The following WWOX variants were observed in gnomAD, a reference collection of about 807,000 sequenced individuals.
The protein encoded by WWOX is WW domain-containing oxidoreductase.
Under a neutral mutation model 46.2 loss-of-function variants are expected in WWOX, and 69 were observed. That is an observed-to-expected ratio of 1.49 (90% confidence interval 1.23 to 1.82). The LOEUF (loss-of-function observed/expected upper bound fraction) is 1.82, where lower values mean the gene tolerates loss of function less well. Ranked by LOEUF, WWOX falls within the 40% of genes most tolerant of loss-of-function variation. The pLI is 0.00. For missense variants in WWOX, 919 were observed against 542.6 expected (o/e 1.69, Z -6.89); for synonymous variants, 359 against 202.6 (o/e 1.77, Z -6.56).
At chr16:78,160,019 T>C (rs2034738635) in intron 4 of WWOX, among the ~76,000 whole-genome samples, 2 of 152,142 alleles carry the variant, frequency 1.3e-5, no homozygotes, top group East Asian at 1.9e-4. Flanking sequence ...GACAGACTTT[T>C]AGCTTCTTTT....
At chr16:78,408,737 G>C (rs11860127) in intron 6 of WWOX, among the ~76,000 whole-genome samples, 1 of 152,134 alleles carries the variant, frequency 6.6e-6, no homozygotes, top group African/African-American at 2.4e-5. Flanking sequence ...TGCAGATAAA[G>C]AGCAAGGGAA....
intron 5 of WWOX, among the ~76,000 whole-genome samples, chr16:78,312,285 T>C (rs1175116592): frequency 6.6e-6 from 1 of 152,100 alleles, no homozygotes; most frequent in Non-Finnish European, 1.5e-5. Flanking sequence ...GTATCTTTTG[T>C]AGGGGGTAAT....
intron 5 of WWOX, among the ~76,000 whole-genome samples, chr16:78,320,185 C>A (rs140034861): frequency 6.2e-4 from 95 of 152,280 alleles, no homozygotes; most frequent in African/African-American, 2.2e-3. Flanking sequence ...GAAAACCTTC[C>A]TTGCATGTAC....
At chr16:78,725,442 G>A (rs1436385672) in intron 8 of WWOX, among the ~76,000 whole-genome samples, 1 of 142,238 alleles carries the variant, frequency 7.0e-6, no homozygotes, top group Non-Finnish European at 1.5e-5. Flanking sequence ...CCACTTCCCG[G>A]ATTTAAGCGA....
At position 78,729,967 on chromosome 16, in the gene WWOX, C is replaced by T. The variant is rs1033989815; in HGVS notation, c.1056+297215C>T. On this transcript the variant is annotated intron_variant, in intron 8 of 8. Transcript: ENST00000566780. ...CCAGAGCAATCGAAGGTCATAGTTT[C>T]CTCATCCCTCGAAGCTGCCACCTTG... Among the ~76,000 whole-genome samples the T allele has an allele frequency of 1.3e-5, 2 of 152,150 alleles. 1 individual carries two copies. Among genetic ancestry groups the T allele is most frequent in the East Asian group, 3.9e-4 (2 of 5,178 alleles).
At chr16:78,120,030 A>G (rs1193065305) in intron 4 of WWOX, among the ~76,000 whole-genome samples, 1 of 152,124 alleles carries the variant, frequency 6.6e-6, no homozygotes, top group African/African-American at 2.4e-5. Context: ...AACAGAAACA[A>G]AACTTTTTTT....
intron 8 of WWOX, among the ~76,000 whole-genome samples, chr16:78,833,090 G>T (rs911291662): frequency 1.3e-5 from 2 of 148,556 alleles, no homozygotes; most frequent in African/African-American, 5.0e-5. Flanking sequence ...TGCCCAGGCT[G>T]CAGTGCAGTG....
chr16:78,746,585 C>G (rs2049352145), intron 8 of WWOX, among the ~76,000 whole-genome samples: 1 of 151,598 alleles, frequency 6.6e-6, no homozygotes, highest in Admixed American at 6.6e-5. Flanking sequence ...ATTTTTGGCT[C>G]TTGGCCTTGT....
At chr16:78,917,118 T>G (rs1017220130) in intron 8 of WWOX, among the ~76,000 whole-genome samples, 1 of 152,222 alleles carries the variant, frequency 6.6e-6, no homozygotes, top group African/African-American at 2.4e-5. Flanking sequence ...TCCTGGAATT[T>G]AGTCTGACGT....
chr16:78,862,039 ATC>A (rs1318880732), intron 8 of WWOX, among the ~76,000 whole-genome samples: 5 of 146,342 alleles, frequency 3.4e-5, no homozygotes, highest in Non-Finnish European at 7.8e-5. Flanking sequence ...ACACACATGT[ATC>A]TATTATATAT....
intron 8 of WWOX, among the ~76,000 whole-genome samples, chr16:79,003,921 A>G (rs2151367496): frequency 1.3e-5 from 2 of 152,208 alleles, no homozygotes; most frequent in Middle Eastern, 6.8e-3. Flanking sequence ...TGATGGGCAG[A>G]TTTTATCACT....
chr16:78,908,072 A>C (rs945335590), intron 8 of WWOX, among the ~76,000 whole-genome samples: 3 of 152,186 alleles, frequency 2.0e-5, no homozygotes, highest in Admixed American at 2.0e-4. Flanking sequence ...TAGTTCCCAA[A>C]TTGCAGGATA....
chr16:78,928,856 A>C (rs1326742030), intron 8 of WWOX, among the ~76,000 whole-genome samples: 3 of 152,174 alleles, frequency 2.0e-5, no homozygotes, highest in African/African-American at 7.2e-5. Context: ...AGAGAATTAT[A>C]ATGTGTTTTG....
At chr16:79,130,549 A>G (rs546728013) in intron 8 of WWOX, among the ~76,000 whole-genome samples, 1 of 152,280 alleles carries the variant, frequency 6.6e-6, no homozygotes, top group African/African-American at 2.4e-5. Flanking sequence ...GAACCTGTAC[A>G]TTCACATCCT....
At chr16:78,747,707 T>C (rs1416844631) in intron 8 of WWOX, among the ~76,000 whole-genome samples, 1 of 152,200 alleles carries the variant, frequency 6.6e-6, no homozygotes, top group African/African-American at 2.4e-5. Flanking sequence ...TCGATTACTG[T>C]CTGCCTCTTC....
chr16:78,218,442 ACT>A (rs1490040700), intron 5 of WWOX, among the ~76,000 whole-genome samples: 1 of 151,926 alleles, frequency 6.6e-6, no homozygotes, highest in Non-Finnish European at 1.5e-5. Flanking sequence ...GTATGATGTA[ACT>A]CTATAGGACT....
chr16:78,317,395 A>C (rs912383036), intron 5 of WWOX, among the ~76,000 whole-genome samples: 10 of 152,166 alleles, frequency 6.6e-5, no homozygotes, highest in African/African-American at 2.2e-4. Flanking sequence ...TGGATACTGC[A>C]TCTAGCAGAT....
chr16:78,809,418 C>T (rs140734310), intron 8 of WWOX, among the ~76,000 whole-genome samples: 9 of 151,876 alleles, frequency 5.9e-5, no homozygotes, highest in African/African-American at 1.9e-4. Context: ...CTTCCCTTCC[C>T]TAGTATGTAT....
intron 8 of WWOX, among the ~76,000 whole-genome samples, chr16:79,048,250 T>A (rs1308460264): frequency 1.1e-4 from 15 of 136,146 alleles, no homozygotes; most frequent in African/African-American, 3.8e-4. Flanking sequence ...AGGTTGTGTT[T>A]TCAGCTGAGA....
Sources: allele counts gnomAD v4.1 joint callset (sites outside exome capture counted in the v4.1 genomes callset), GRCh38; gene constraint gnomAD v4.1.1; transcripts MANE v1.5; gene names NCBI Gene and HGNC (gene_info 2026-07-23, HGNC 2026-07-21).